CFAP47: variants seen among roughly 807,000 people sequenced by gnomAD.
CFAP47 encodes the protein cilia and flagella associated protein 47.
Under a neutral mutation model 148.1 loss-of-function variants are expected in CFAP47, and 29 were observed. The observed-to-expected ratio is 0.20, with a 90% confidence interval of 0.15 to 0.27. CFAP47 has a LOEUF of 0.27. CFAP47 is among the 10% of genes least tolerant of loss of function. CFAP47 has a pLI of 1.00. For missense variants in CFAP47, 1,872 were observed against 1,697.5 expected (o/e 1.10, Z -1.81); for synonymous variants, 664 against 577.3 (o/e 1.15, Z -2.15).
At chrX:36,109,381 C>A (rs1280974133) in intron 33 of CFAP47, among the ~76,000 whole-genome samples, 1 of 112,045 alleles carries the variant, frequency 8.9e-6, no homozygotes, top group African/African-American at 3.3e-5. Flanking sequence ...CTGTCTTCCA[C>A]AATGGTTGAA....
chrX:36,089,448 T>C (rs1391623560), intron 30 of CFAP47, among the ~76,000 whole-genome samples: 1 of 112,162 alleles, frequency 8.9e-6, no homozygotes, highest in African/African-American at 3.2e-5. Context: ...ACCATTATAG[T>C]ATCTTATTTA....
At chrX:36,021,249 A>G (rs1019938824) in intron 22 of CFAP47, among the ~76,000 whole-genome samples, 4 of 110,923 alleles carry the variant, frequency 3.6e-5, no homozygotes, top group Non-Finnish European at 7.6e-5. Context: ...ATGTAAGAGT[A>G]TTTTACACAC....
At chrX:36,093,162 A>G (rs1001624120) in intron 30 of CFAP47, among the ~76,000 whole-genome samples, 3 of 111,434 alleles carry the variant, frequency 2.7e-5, no homozygotes, top group Non-Finnish European at 3.8e-5. Flanking sequence ...TCATCTGTTG[A>G]TGGACCTACG....
chrX:36,247,737 A>C (rs1256393447), intron 48 of CFAP47, among the ~76,000 whole-genome samples: 4 of 111,266 alleles, frequency 3.6e-5, no homozygotes, highest in Non-Finnish European at 5.7e-5. Context: ...ATCTGACAGT[A>C]ATGGAAGATT....
At chrX:36,068,772 A>G (rs1937688035) in intron 27 of CFAP47, among the ~76,000 whole-genome samples, 1 of 108,264 alleles carries the variant, frequency 9.2e-6, no homozygotes, top group Non-Finnish European at 1.9e-5. Context: ...CCTGGCCAAC[A>G]TGGTGAAACC....
intron 15 of CFAP47, among the ~76,000 whole-genome samples, chrX:35,976,121 C>T (rs1936567010): frequency 2.7e-5 from 3 of 110,072 alleles, no homozygotes; most frequent in African/African-American, 9.9e-5. Flanking sequence ...GAGAAACAGA[C>T]CAACAGGGAG....
intron 11 of CFAP47, among the ~76,000 whole-genome samples, 153 bp downstream of exon 11, chrX:35,971,076 A>G (rs1237309117): frequency 8.9e-6 from 1 of 111,787 alleles, no homozygotes; most frequent in African/African-American, 3.2e-5. Flanking sequence ...TTTAACTACA[A>G]TTATTTCTTT....
intron 42 of CFAP47, among the ~76,000 whole-genome samples, chrX:36,190,958 A>G (rs782379031): frequency 1.8e-5 from 2 of 112,009 alleles, no homozygotes; most frequent in Non-Finnish European, 3.8e-5. Context: ...TAAATTGAAT[A>G]CATATACAGT....
intron 13 of CFAP47, 59 bp from the exon 14 acceptor site, chrX:35,975,088 A>C: frequency 7.4e-6 from 5 of 673,542 alleles, no homozygotes; most frequent in Non-Finnish European, 1.1e-5. Context: ...AAACTTAAAA[A>C]GTAAATGAAG....
At chrX:36,333,168 T>A (rs1941578245) in intron 57 of CFAP47, among the ~76,000 whole-genome samples, 1 of 111,352 alleles carries the variant, frequency 9.0e-6, no homozygotes, top group African/African-American at 3.3e-5. Flanking sequence ...TTCTTTTGGG[T>A]CATCCTTCAT....
chrX:35,958,205 T>C (rs144484539), intron 8 of CFAP47, among the ~76,000 whole-genome samples: 2 of 112,093 alleles, frequency 1.8e-5, no homozygotes, highest in African/African-American at 6.5e-5. Flanking sequence ...TTGTAATATG[T>C]ATTAGTGCTT....
chrX:36,257,317 T>C (rs1291997277), intron 49 of CFAP47, among the ~76,000 whole-genome samples: 1 of 112,085 alleles, frequency 8.9e-6, no homozygotes, highest in Non-Finnish European at 1.9e-5. Flanking sequence ...TTTAAGCATA[T>C]GAACAAAACC....
At chrX:35,926,438 G>A (rs1168949343) in intron 2 of CFAP47, among the ~76,000 whole-genome samples, 2 of 111,464 alleles carry the variant, frequency 1.8e-5, no homozygotes, top group African/African-American at 6.5e-5. Flanking sequence ...AGTATTGTCA[G>A]GTTCACTTCA....
chrX:36,333,077 C>T lies in CFAP47; in HGVS notation c.8443+13770C>T, dbSNP rs150323953. On this transcript the variant is annotated intron_variant, in intron 57 of 63. Coordinates refer to ENST00000378653, the MANE Select transcript of CFAP47 (RefSeq NM_001304548.2). The stretch of plus-strand genomic sequence containing the variant: ...TAGTTGGGGGTGTGAGATTTTCCTA[C>T]CACTATCTATCTTTCTTCCATGTGG... Among the ~76,000 whole-genome samples the T allele has an allele frequency of 5.9e-3, 657 of 111,625 alleles. 18 individuals are homozygous for T. Among genetic ancestry groups the T allele is most frequent in the Admixed American group, 0.041 (429 of 10,522 alleles).
intron 8 of CFAP47, among the ~76,000 whole-genome samples, chrX:35,960,409 G>GAAA (rs1936313788): frequency 1.4e-5 from 1 of 69,696 alleles, no homozygotes; most frequent in African/African-American, 9.2e-5. Context: ...AAAAAAAAAG[G>GAAA]ACAGCTGGAA....
In CFAP47 at chrX:36,294,088, G is replaced by T. The variant is rs148776176; in HGVS notation, c.7687-4889G>T. ...GAGAAGACTCCAGGAGAGTCTACAT[G>T]AGGGTAATTCAAGATAGAAGAAGGC... On this transcript the variant is annotated intron_variant, in intron 51 of 63. Coordinates refer to ENST00000378653, the MANE Select transcript of CFAP47 (RefSeq NM_001304548.2). Among the ~76,000 whole-genome samples the T allele has an allele frequency of 1.1e-4, 12 of 111,770 alleles. No individual in the cohort carries two copies. In the East Asian group the frequency reaches 3.4e-3, roughly 32 times the overall value.
At chrX:36,215,189 C>T (rs1244276686) in intron 45 of CFAP47, among the ~76,000 whole-genome samples, 1 of 111,237 alleles carries the variant, frequency 9.0e-6, no homozygotes, top group Admixed American at 9.6e-5. Flanking sequence ...CAGTGGTTGA[C>T]CAGATAGTGC....
chrX:36,083,828 A>G (rs1344982087), intron 29 of CFAP47, among the ~76,000 whole-genome samples: 1 of 111,343 alleles, frequency 9.0e-6, no homozygotes, highest in African/African-American at 3.2e-5. Flanking sequence ...ATAGGCAACT[A>G]TGGAGTTATT....
chrX:35,955,328 A>G (rs1936227706), intron 7 of CFAP47, among the ~76,000 whole-genome samples: 2 of 111,663 alleles, frequency 1.8e-5, no homozygotes, highest in Non-Finnish European at 3.8e-5. Context: ...TCATTTCCCT[A>G]TTCTGTGTCC....
Sources: gnomAD v4.1 joint callset for allele counts (sites outside exome capture counted in the v4.1 genomes callset) on GRCh38, gnomAD v4.1.1 for gene constraint, MANE v1.5 for transcripts, NCBI Gene and HGNC (gene_info 2026-07-23, HGNC 2026-07-21) for gene names.